The following CAPZB variants were observed in gnomAD, a reference collection of about 807,000 sequenced individuals.
CAPZB encodes F-actin-capping protein subunit beta.
In CAPZB, 2 loss-of-function variants were observed where a neutral mutation model predicts 38.1. That is an observed-to-expected ratio of 0.05 (90% confidence interval 0.02 to 0.17). CAPZB has a LOEUF of 0.17. CAPZB is among the 10% of genes least tolerant of loss of function. CAPZB has a pLI of 1.00. For missense variants in CAPZB, 161 were observed against 334.2 expected, an observed-to-expected ratio of 0.48 and a Z score of 4.04; for synonymous variants, 107 against 127.4, an observed-to-expected ratio of 0.84 and a Z score of 1.08.
chr1:19,355,387 C>T (rs1177133316), intron 6 of CAPZB, among the ~76,000 whole-genome samples: 9 of 151,076 alleles, frequency 6.0e-5, no homozygotes, highest in Middle Eastern at 3.2e-3. Context: ...CCCAGCTACT[C>T]GGGAGGCTGA....
chr1:19,485,200 C>T (rs1191295521), intron 1 of CAPZB, among the ~76,000 whole-genome samples: 1 of 152,184 alleles, frequency 6.6e-6, no homozygotes, highest in Non-Finnish European at 1.5e-5. Flanking sequence ...GTGAGTGGGA[C>T]TCCAGCTTGC....
At chr1:19,385,873 CTG>C in intron 2 of CAPZB, 1 of 603,260 alleles carries the variant, frequency 1.7e-6, no homozygotes, top group Non-Finnish European at 3.2e-6. Flanking sequence ...CTTCCAAAAA[CTG>C]TGTGCAGCTT....
intron 4 of CAPZB, among the ~76,000 whole-genome samples, chr1:19,368,990 C>T (rs59124360): frequency 0.016 from 2,432 of 152,296 alleles, 69 homozygotes; most frequent in African/African-American, 0.055. Flanking sequence ...CCAACATGTG[C>T]AACGGCCCAA....
At chr1:19,358,591 C>T (rs769739411) in intron 4 of CAPZB, among the ~76,000 whole-genome samples, 2 of 152,188 alleles carry the variant, frequency 1.3e-5, no homozygotes, top group Non-Finnish European at 2.9e-5. Context: ...CTGGGACTGC[C>T]GTGAGCAGAG....
At chr1:19,391,641 G>T (rs1201235034) in intron 2 of CAPZB, among the ~76,000 whole-genome samples, 1 of 152,236 alleles carries the variant, frequency 6.6e-6, no homozygotes, top group Non-Finnish European at 1.5e-5. Context: ...GTGGCATTCT[G>T]TAAAAACACC....
chr1:19,348,514 G>A, intron 6 of CAPZB, among the ~76,000 whole-genome samples: 1 of 152,082 alleles, frequency 6.6e-6, no homozygotes, highest in East Asian at 1.9e-4. Context: ...GGGGAGGGAT[G>A]TGTGTGTGCT....
intron 1 of CAPZB, among the ~76,000 whole-genome samples, chr1:19,422,395 T>C (rs2094404706): frequency 6.6e-6 from 1 of 152,066 alleles, no homozygotes; most frequent in African/African-American, 2.4e-5. Flanking sequence ...GGCTGCAGAT[T>C]CCCAGAATCT....
intron 1 of CAPZB, among the ~76,000 whole-genome samples, chr1:19,435,434 T>TG: frequency 6.6e-6 from 1 of 152,304 alleles, no homozygotes; most frequent in South Asian, 2.1e-4. Context: ...AGCCCAGCCC[T>TG]GGACAGTATT....
chr1:19,342,653 T>C (rs952202064), intron 8 of CAPZB: 2 of 746,318 alleles, frequency 2.7e-6, no homozygotes, highest in Admixed American at 4.0e-5. Flanking sequence ...TTAGTGGTGG[T>C]TTAAATGGCC....
chr1:19,406,443 G>A (rs2094332758), intron 2 of CAPZB, among the ~76,000 whole-genome samples: 1 of 152,148 alleles, frequency 6.6e-6, no homozygotes, highest in South Asian at 2.1e-4. Flanking sequence ...TGGGAAGGGG[G>A]AAGCTACCCA....
chr1:19,365,795 T>G (rs2094080818), intron 4 of CAPZB, among the ~76,000 whole-genome samples: 1 of 151,508 alleles, frequency 6.6e-6, no homozygotes, highest in African/African-American at 2.4e-5. Context: ...GATCATGCCA[T>G]TGCACTCCAG....
At chr1:19,478,351 CT>C (rs1353837695) in intron 1 of CAPZB, among the ~76,000 whole-genome samples, 1 of 152,236 alleles carries the variant, frequency 6.6e-6, no homozygotes, top group Non-Finnish European at 1.5e-5. Flanking sequence ...AACACTCCTA[CT>C]GCACTTACAA....
chr1:19,349,173 G>A (rs1389486593), intron 6 of CAPZB, among the ~76,000 whole-genome samples: 1 of 152,138 alleles, frequency 6.6e-6, no homozygotes, highest in Non-Finnish European at 1.5e-5. Context: ...ACAGGAGCTG[G>A]GGAGCACCCT....
chr1:19,398,604 C>T (rs532752703), intron 2 of CAPZB, among the ~76,000 whole-genome samples: 1 of 152,232 alleles, frequency 6.6e-6, no homozygotes, highest in South Asian at 2.1e-4. Context: ...GGCTGTCTGG[C>T]CACAATGTTT....
At chr1:19,409,391 A>C (rs12404783) in intron 2 of CAPZB, among the ~76,000 whole-genome samples, 28,313 of 152,022 alleles carry the variant, frequency 0.19, 3,276 homozygotes, top group Non-Finnish European at 0.24. Context: ...GTCATCCATG[A>C]AGGAGGCTTT....
intron 4 of CAPZB, among the ~76,000 whole-genome samples, chr1:19,364,774 T>A (rs879375587): frequency 1.3e-5 from 2 of 152,184 alleles, no homozygotes; most frequent in Non-Finnish European, 2.9e-5. Flanking sequence ...TTAGCTTTCA[T>A]TAGCAATCAC....
intron 6 of CAPZB, among the ~76,000 whole-genome samples, chr1:19,354,501 G>C (rs1249352695): frequency 6.6e-6 from 1 of 152,198 alleles, no homozygotes; most frequent in African/African-American, 2.4e-5. Context: ...ATGATGTGGT[G>C]ATCGGCCGTT....
Position 19,356,421 on chromosome 1 carries a change from A to C in CAPZB, c.588+214T>G, listed in dbSNP as rs972550777. Among the ~76,000 whole-genome samples, 1 of 152,214 alleles carries C rather than the reference A, an allele frequency of 6.6e-6. No homozygotes were observed. Among genetic ancestry groups the C allele is most frequent in the African/African-American group, 2.4e-5 (1 of 41,448 alleles). ...CCACAGCCAGCACCCGGCCTCCCTC[A>C]GCAGGAGGCCAGCAGAGTGCCAGCA... On this transcript the variant is annotated intron_variant, in intron 6 of 8. Coordinates refer to ENST00000264202, the MANE Select transcript of CAPZB (RefSeq NM_004930.5). The surrounding 1 kb of genome is among the most constrained non-coding windows in gnomAD (Gnocchi z 4.3).
chr1:19,459,809 A>ATGAC (rs1424967171), intron 1 of CAPZB, among the ~76,000 whole-genome samples: 2 of 152,208 alleles, frequency 1.3e-5, no homozygotes, highest in African/African-American at 2.4e-5. Context: ...GAGTAGCATG[A>ATGAC]TGACATCCTG....
Sources: gnomAD v4.1 joint callset for allele counts (sites outside exome capture counted in the v4.1 genomes callset) on GRCh38, gnomAD v4.1.1 for gene constraint, Gnocchi (gnomAD v3.1) non-coding constraint, MANE v1.5 for transcripts, NCBI Gene and HGNC (gene_info 2026-07-23, HGNC 2026-07-21) for gene names.